UGGT2: variants seen among roughly 807,000 people sequenced by gnomAD.
The protein encoded by UGGT2 is UDP-glucose:glycoprotein glucosyltransferase 2.
UGGT2 carries 180 observed loss-of-function variants against 192.1 expected under a neutral mutation model. That is an observed-to-expected ratio of 0.94 (90% CI 0.83 to 1.06). The LOEUF (loss-of-function observed/expected upper bound fraction) is 1.06. UGGT2 is among the 50% of genes least tolerant of loss of function. The probability of loss-of-function intolerance (pLI) is 0.00; values close to 1 mark genes in which losing one functional copy is unlikely to be tolerated. For missense variants in UGGT2, 1,849 were observed against 1,795.7 expected (o/e 1.03, Z -0.54); for synonymous variants, 580 against 591.0 (o/e 0.98, Z 0.27).
At chr13:96,049,283 C>T (rs12513592) in intron 1 of UGGT2, among the ~76,000 whole-genome samples, 1 of 152,126 alleles carries the variant, frequency 6.6e-6, no homozygotes, top group Non-Finnish European at 1.5e-5. Context: ...ATTCAACAGC[C>T]CTTCATGCTA....
Position 95,983,867 on chromosome 13 carries a change from G to A in UGGT2, c.1032-3C>T, listed in dbSNP as rs2051207052. 1.3e-6 allele frequency: 2 copies of A among 1,541,812 alleles called. No homozygotes were observed. Among genetic ancestry groups the A allele is most frequent in the Non-Finnish European group, 1.8e-6 (2 of 1,135,444 alleles). On this transcript the variant is annotated splice_region_variant and splice_polypyrimidine_tract_variant and intron_variant, in intron 9 of 38. Coordinates refer to ENST00000376747, the MANE Select transcript of UGGT2 (RefSeq NM_020121.4). ...TTACAGCAATTCTGGTTAGAGATCT[G>A]GAAAAATGAATACTAATATAATTGA...
At chr13:95,913,945 A>G (rs533394926) in intron 20 of UGGT2, among the ~76,000 whole-genome samples, 17 of 152,298 alleles carry the variant, frequency 1.1e-4, no homozygotes, top group Admixed American at 5.2e-4. Flanking sequence ...CGGGACATGG[A>G]TGAAGCTGGA....
intron 7 of UGGT2, chr13:95,990,366 A>AT (rs1188835544): frequency 5.9e-6 from 1 of 170,474 alleles, no homozygotes; most frequent in African/African-American, 2.4e-5. Context: ...TTATGTTTTC[A>AT]TATTACATAC....
Position 95,979,548 on chromosome 13 carries a change from C to CAAA in UGGT2, c.1092+4253_1092+4255dup, listed in dbSNP as rs57487353. On this transcript the variant is annotated intron_variant, in intron 10 of 38. Transcript: ENST00000376747. ...TTCTCATTTCCCCTGGTCTCTTACG[C>CAAA]AAAAAAAAAAAAAATACAGACTTGC... is the stretch of plus-strand genomic sequence containing the variant. 1.1e-4 allele frequency among the ~76,000 whole-genome samples: 11 copies of CAAA among 98,806 alleles called. 1 individual carries two copies. Among genetic ancestry groups the CAAA allele is most frequent in the African/African-American group, 1.8e-4 (5 of 27,652 alleles). The allele number at this position is 98,806 out of a possible 152,430, so 64.8% of individuals were successfully genotyped here.
In UGGT2 at chr13:96,013,336, T is replaced by C. The variant is rs2052225109; in HGVS notation, c.631A>G (p.Ile211Val). The change falls in exon 5 of 39, where the codon ATT becomes GTT. Residue 211 changes from isoleucine (I) to valine (V), a missense_variant. Ile to Val is a conservative substitution (Grantham distance 29, BLOSUM62 3). Transcript: ENST00000376747. ...VLSEKAQNEE[I>V]LYVLRHYIQK... Reference sequence around the variant, plus strand: ...ATATAATGGCGAAGAACATACAGAATTTCCTCATTTTGAGCTTTTTCAGAC... The same window carrying C: ...ATATAATGGCGAAGAACATACAGAACTTCCTCATTTTGAGCTTTTTCAGAC... The C allele has an allele frequency of 6.2e-7, 1 of 1,604,942 alleles. No homozygotes were observed.
chr13:95,853,596 T>C lies in UGGT2; in HGVS notation c.4231A>G (p.Ser1411Gly). The change falls in exon 36 of 39, where the codon AGC becomes GGC. Residue 1411 changes from serine (S) to glycine (G), a missense_variant. Transcript: ENST00000376747. ...TCTTGACTGAGAGCTTGATACTGGC[T>C]CCTGAGCCTGTCACCTGCTCCAATT... ...RRIGAGDRLRSQYQALSQDPN... is the reference protein window; with the variant it reads ...RRIGAGDRLRGQYQALSQDPN... 1.2e-6 allele frequency: 2 copies of C among 1,606,868 alleles called. 1 individual carries two copies. The highest frequency in any genetic ancestry group is 2.2e-5 in the South Asian group (2 of 89,372).
Position 96,031,986 on chromosome 13 carries a change from GAAGT to G in UGGT2, c.159-19_159-16del, listed in dbSNP as rs780549862. 6.4e-7 allele frequency: 1 copy of G among 1,572,082 alleles called. No homozygotes were observed. Among genetic ancestry groups the G allele is most frequent in the South Asian group, 1.1e-5 (1 of 88,616 alleles). On this transcript the variant is annotated splice_polypyrimidine_tract_variant and intron_variant, in intron 1 of 38. Coordinates refer to ENST00000376747, the MANE Select transcript of UGGT2 (RefSeq NM_020121.4). The stretch of plus-strand genomic sequence containing the variant: ...CCATAAATTCACTATTAAAAAAATA[GAAGT>G]AATCGGTTAGTAGATGGAATTTAAA...
intron 4 of UGGT2, among the ~76,000 whole-genome samples, chr13:96,019,859 T>C (rs549101069): frequency 3.6e-4 from 55 of 152,294 alleles, no homozygotes; most frequent in South Asian, 2.5e-3. Context: ...GCTTTTGGTT[T>C]TACAAGGCTT....
chr13:95,818,647 GA>G (rs1885171757), intron 38 of UGGT2, among the ~76,000 whole-genome samples: 1 of 152,156 alleles, frequency 6.6e-6, no homozygotes, highest in Non-Finnish European at 1.5e-5. Flanking sequence ...CTGTTACTGA[GA>G]GGAAGTGCCT....
At chr13:95,855,470 A>T (rs1200147100) in intron 34 of UGGT2, among the ~76,000 whole-genome samples, 1 of 150,746 alleles carries the variant, frequency 6.6e-6, no homozygotes, top group Admixed American at 6.6e-5. Flanking sequence ...TTGGACATAT[A>T]AATTTTGAAA....
In UGGT2 at chr13:96,023,097, T is replaced by C; in HGVS notation, c.428A>G (p.Lys143Arg). The change falls in exon 4 of 39, where the codon AAG (lysine) becomes AGG (arginine). Residue 143 changes from lysine (K) to arginine (R), a missense_variant. Physicochemically the swap from Lys to Arg is conservative, Grantham distance 26. Coordinates refer to ENST00000376747, the MANE Select transcript of UGGT2 (RefSeq NM_020121.4). ...CTCATTAATTTTACAGGTGTGCTTC[T>C]TATGAATAACCACAAATGCATTACA... is the stretch of plus-strand genomic sequence containing the variant. ...DGCNAFVVIH[K>R]KHTCKINEIK... 1.3e-6 allele frequency: 2 copies of C among 1,595,936 alleles called. No homozygotes were observed. The highest frequency in any genetic ancestry group is 1.1e-5 in the South Asian group (1 of 87,678).
Position 95,826,168 on chromosome 13 carries a change from A to C in UGGT2, c.4528+6759T>G, listed in dbSNP as rs570265712. The stretch of plus-strand genomic sequence containing the variant: ...TAAGTTGATAAAATGCAACCAATTC[A>C]ACCCATCTTTGATAAAAATATTAAA... On this transcript the variant is annotated intron_variant, in intron 38 of 38. Transcript: ENST00000376747. 8.5e-5 allele frequency among the ~76,000 whole-genome samples: 13 copies of C among 152,236 alleles called. No individual in the cohort carries two copies. The East Asian group carries it at 2.5e-3, about 29-fold the overall frequency.
chr13:95,918,497 A>T (rs1325128520), intron 20 of UGGT2, among the ~76,000 whole-genome samples: 1 of 152,196 alleles, frequency 6.6e-6, no homozygotes, highest in Admixed American at 6.5e-5. Context: ...AACAAACCCC[A>T]AAGCTAGCAG....
chr13:95,822,820 G>T (rs3125433), intron 38 of UGGT2, among the ~76,000 whole-genome samples: 108,715 of 151,870 alleles, frequency 0.72, 40,292 homozygotes, highest in African/African-American at 0.93. Flanking sequence ...TGATCTTTGT[G>T]ATTTCTTTTC....
intron 22 of UGGT2, among the ~76,000 whole-genome samples, chr13:95,898,389 C>T (rs1020863057): frequency 6.6e-6 from 1 of 152,110 alleles, no homozygotes; most frequent in African/African-American, 2.4e-5. Flanking sequence ...TTCCTACCTG[C>T]TATTCTTAGA....
chr13:95,985,541 T>A (rs117227967), intron 9 of UGGT2, among the ~76,000 whole-genome samples: 1 of 152,128 alleles, frequency 6.6e-6, no homozygotes, highest in African/African-American at 2.4e-5. Flanking sequence ...CTTAGGAAGG[T>A]ATGCTAAGCT....
chr13:95,840,710 C>T (rs989883535), intron 36 of UGGT2, among the ~76,000 whole-genome samples: 8 of 152,126 alleles, frequency 5.3e-5, no homozygotes, highest in African/African-American at 1.7e-4. Flanking sequence ...GGTATATACC[C>T]AAAGGATGAT....
intron 38 of UGGT2, among the ~76,000 whole-genome samples, chr13:95,811,634 C>T (rs916544028): frequency 5.9e-5 from 9 of 151,708 alleles, no homozygotes; most frequent in African/African-American, 1.9e-4. Context: ...TATAACAAAG[C>T]GGTAGATAAT....
At chr13:95,902,706 T>C (rs2048142945) in intron 21 of UGGT2, 148 bp downstream of exon 21, 3 of 757,390 alleles carry the variant, frequency 4.0e-6, no homozygotes, top group Non-Finnish European at 4.2e-6. Context: ...TATCATTTAA[T>C]GTTTATCTTT....
Sources: allele counts gnomAD v4.1 joint callset (sites outside exome capture counted in the v4.1 genomes callset), GRCh38; gene constraint gnomAD v4.1.1; transcripts MANE v1.5; gene names NCBI Gene and HGNC (gene_info 2026-07-23, HGNC 2026-07-21).